Variants in AFF2 observed in about 807,000 individuals in gnomAD.
AFF2 encodes AF4/FMR2 family member 2.
A neutral mutation model predicts 76.9 loss-of-function variants in AFF2; 14 were observed. That is an observed-to-expected ratio of 0.18 (90% CI 0.12 to 0.28). The LOEUF is 0.28. AFF2 is among the 10% of genes least tolerant of loss of function. The probability of loss-of-function intolerance (pLI) is 1.00; values close to 1 mark genes in which losing one functional copy is unlikely to be tolerated. For missense variants in AFF2, 868 were observed against 1,001.1 expected (o/e 0.87, Z 1.79); for synonymous variants, 398 against 366.7 (o/e 1.09, Z -0.98).
chrX:148,834,439 CTCAAAGGA>C (rs2070494925), intron 4 of AFF2, among the ~76,000 whole-genome samples: 1 of 111,434 alleles, frequency 9.0e-6, no homozygotes, highest in African/African-American at 3.3e-5. Context: ...CTGTCTCTCT[CTCAAAGGA>C]TCAAAGGATC....
intron 3 of AFF2, among the ~76,000 whole-genome samples, chrX:148,711,994 G>C (rs1557262948): frequency 1.8e-5 from 2 of 111,519 alleles, no homozygotes; most frequent in African/African-American, 6.5e-5. Context: ...AGTGGTGGTG[G>C]TGGTTGCTCA....
chrX:148,986,969 G>A (rs1242351845), intron 19 of AFF2, among the ~76,000 whole-genome samples: 4 of 111,391 alleles, frequency 3.6e-5, no homozygotes, highest in Non-Finnish European at 7.5e-5. Context: ...TGGAGCCCTC[G>A]GTGGTGGTCA....
intron 8 of AFF2, among the ~76,000 whole-genome samples, chrX:148,896,664 C>T (rs2071288282): frequency 9.0e-6 from 1 of 111,007 alleles, no homozygotes; most frequent in Non-Finnish European, 1.9e-5. Flanking sequence ...TTGTCCCTTC[C>T]AGCCAGAGCA....
intron 1 of AFF2, among the ~76,000 whole-genome samples, chrX:148,525,626 G>A (rs1557235101): frequency 9.0e-6 from 1 of 111,695 alleles, no homozygotes; most frequent in Non-Finnish European, 1.9e-5. Flanking sequence ...ATAAATAGAT[G>A]AATATTGAAT....
intron 4 of AFF2, among the ~76,000 whole-genome samples, chrX:148,816,932 G>A (rs1266950986): frequency 1.2e-4 from 3 of 25,433 alleles, no homozygotes; most frequent in Non-Finnish European, 2.4e-4. Flanking sequence ...CAAGATCTAT[G>A]CAAAAAAAAA....
At chrX:148,804,290 CT>C (rs1263516832) in intron 3 of AFF2, among the ~76,000 whole-genome samples, 1 of 112,067 alleles carries the variant, frequency 8.9e-6, no homozygotes, top group Non-Finnish European at 1.9e-5. Context: ...GCAAGTTGAA[CT>C]TCAGAAATAG....
intron 1 of AFF2, among the ~76,000 whole-genome samples, chrX:148,595,940 G>T (rs2053567437): frequency 8.9e-6 from 1 of 111,892 alleles, no homozygotes; most frequent in South Asian, 3.7e-4. Context: ...AAAGTTATAA[G>T]CAATTGCTTG....
At chrX:148,574,791 G>T (rs188940597) in intron 1 of AFF2, among the ~76,000 whole-genome samples, 2 of 111,330 alleles carry the variant, frequency 1.8e-5, no homozygotes, top group African/African-American at 6.5e-5. Context: ...TTACCTTGTC[G>T]TTTAACTCTC....
intron 1 of AFF2, among the ~76,000 whole-genome samples, chrX:148,536,276 C>T (rs782049045): frequency 1.5e-4 from 17 of 110,943 alleles, no homozygotes; most frequent in African/African-American, 5.6e-4. Context: ...TTCATCTTCC[C>T]CAGACTCAAC....
chrX:148,527,970 C>T (rs942332844), intron 1 of AFF2, among the ~76,000 whole-genome samples: 11 of 111,854 alleles, frequency 9.8e-5, no homozygotes, highest in Admixed American at 1.9e-4. Flanking sequence ...TTATCCTTTC[C>T]TTGACTCTTT....
At chrX:148,813,921 G>A (rs1603305433) in intron 4 of AFF2, among the ~76,000 whole-genome samples, 2 of 112,242 alleles carry the variant, frequency 1.8e-5, no homozygotes, top group South Asian at 3.6e-4. Context: ...CACAAAATGA[G>A]CTGTACGAAT....
chrX:148,774,168 C>G (rs1381766127), intron 3 of AFF2, among the ~76,000 whole-genome samples: 1 of 111,857 alleles, frequency 8.9e-6, no homozygotes, highest in African/African-American at 3.2e-5. Context: ...AAAAATGAAT[C>G]AGGTCAGCCA....
chrX:148,880,937 A>G (rs1262425684), intron 7 of AFF2, among the ~76,000 whole-genome samples: 1 of 111,968 alleles, frequency 8.9e-6, no homozygotes, highest in Non-Finnish European at 1.9e-5. Context: ...ATTGTTAGCT[A>G]CCTATCAGAA....
intron 3 of AFF2, among the ~76,000 whole-genome samples, chrX:148,747,559 T>C (rs1352689721): frequency 8.9e-6 from 1 of 111,931 alleles, no homozygotes; most frequent in Non-Finnish European, 1.9e-5. Context: ...CCAGAGTCAC[T>C]TTCCAAATAA....
At chrX:148,902,143 A>G (rs1557280956) in intron 8 of AFF2, among the ~76,000 whole-genome samples, 1 of 112,080 alleles carries the variant, frequency 8.9e-6, no homozygotes, top group African/African-American at 3.2e-5. Context: ...AACTGGGTCT[A>G]ATTGACAGTT....
chrX:148,584,592 G>A (rs1225062303), intron 1 of AFF2, among the ~76,000 whole-genome samples: 1 of 96,456 alleles, frequency 1.0e-5, no homozygotes, highest in African/African-American at 4.0e-5. Flanking sequence ...GTCTTGCTCT[G>A]TTGCTCAGGC....
chrX:148,723,132 T>C (rs1467372779), intron 3 of AFF2, among the ~76,000 whole-genome samples: 1 of 111,836 alleles, frequency 8.9e-6, no homozygotes, highest in East Asian at 2.9e-4. Flanking sequence ...CTCATGTCTC[T>C]CTGTAGCCCC....
At chrX:148,524,236 C>T (rs1394740015) in intron 1 of AFF2, among the ~76,000 whole-genome samples, 1 of 108,388 alleles carries the variant, frequency 9.2e-6, no homozygotes, top group Non-Finnish European at 1.9e-5. Context: ...AATATATGCC[C>T]CTATAGAGAA....
chrX:148,924,810 A>G (rs1557283585), intron 9 of AFF2, among the ~76,000 whole-genome samples: 1 of 112,113 alleles, frequency 8.9e-6, no homozygotes, highest in African/African-American at 3.2e-5. Flanking sequence ...TTTGGGTAAT[A>G]TAGGCTTACA....
Sources: gnomAD v4.1 joint callset for allele counts (sites outside exome capture counted in the v4.1 genomes callset) on GRCh38, gnomAD v4.1.1 for gene constraint, MANE v1.5 for transcripts, NCBI Gene and HGNC (gene_info 2026-07-23, HGNC 2026-07-21) for gene names.